The following KCNT2 variants were observed in gnomAD, a reference collection of about 807,000 sequenced individuals.
The protein encoded by KCNT2 is potassium channel subfamily T member 2.
In KCNT2, 67 loss-of-function variants were observed where a neutral mutation model predicts 153.8. That is an observed-to-expected ratio of 0.44 (90% confidence interval 0.36 to 0.53). The LOEUF (loss-of-function observed/expected upper bound fraction) is 0.53, where lower values mean the gene tolerates loss of function less well. Ranked by LOEUF, KCNT2 falls within the 20% of genes least tolerant of loss-of-function variation. The pLI is 0.00. For missense variants in KCNT2, 975 were observed against 1,354.8 expected, an observed-to-expected ratio of 0.72 and a Z score of 4.40; for synonymous variants, 500 against 458.8, an observed-to-expected ratio of 1.09 and a Z score of -1.15.
At chr1:196,451,434 G>GTTTTTTTTTTT (rs1557952237) in intron 8 of KCNT2, among the ~76,000 whole-genome samples, 1 of 103,818 alleles carries the variant, frequency 9.6e-6, no homozygotes, top group East Asian at 2.9e-4. Context: ...TTTTTTTTTG[G>GTTTTTTTTTTT]ATTTTAGTAG....
intron 1 of KCNT2, among the ~76,000 whole-genome samples, chr1:196,508,189 C>CAAAAAAAAAAAGAAA (rs1681305106): frequency 1.7e-5 from 1 of 59,984 alleles, no homozygotes; most frequent in Admixed American, 2.3e-4. Context: ...CCCTAAGTAG[C>CAAAAAAAAAAAGAAA]AAAAAAAAAA....
At chr1:196,526,979 G>A (rs890666264) in intron 1 of KCNT2, among the ~76,000 whole-genome samples, 11 of 152,258 alleles carry the variant, frequency 7.2e-5, no homozygotes, top group Admixed American at 5.2e-4. Flanking sequence ...CTCCTGCAGC[G>A]ACATTAGTTT....
At chr1:196,395,152 G>A (rs1267769091) in intron 13 of KCNT2, among the ~76,000 whole-genome samples, 1 of 150,946 alleles carries the variant, frequency 6.6e-6, no homozygotes, top group African/African-American at 2.4e-5. Flanking sequence ...ATATTACTCG[G>A]TTTGTTTTCC....
chr1:196,369,785 T>C (rs112044926), intron 14 of KCNT2, among the ~76,000 whole-genome samples: 16,030 of 151,870 alleles, frequency 0.11, 1,209 homozygotes, highest in African/African-American at 0.22. Context: ...GCAATAAACA[T>C]ATGTGTGCAT....
At chr1:196,370,852 A>G (rs1668465745) in intron 14 of KCNT2, among the ~76,000 whole-genome samples, 1 of 152,102 alleles carries the variant, frequency 6.6e-6, no homozygotes, top group Non-Finnish European at 1.5e-5. Flanking sequence ...ATGCAATGGA[A>G]TATTATTCAG....
intron 11 of KCNT2, among the ~76,000 whole-genome samples, chr1:196,425,251 C>T (rs1365424242): frequency 6.6e-6 from 1 of 151,920 alleles, no homozygotes; most frequent in Admixed American, 6.6e-5. Flanking sequence ...ATGTTTAAGA[C>T]TATGTCACCT....
At chr1:196,380,344 A>T (rs1669371466) in intron 13 of KCNT2, among the ~76,000 whole-genome samples, 1 of 152,228 alleles carries the variant, frequency 6.6e-6, no homozygotes, top group Non-Finnish European at 1.5e-5. Context: ...TGAGATGCAA[A>T]TGCATTGATA....
intron 12 of KCNT2, among the ~76,000 whole-genome samples, chr1:196,413,103 T>C (rs1672471490): frequency 6.6e-6 from 1 of 151,696 alleles, no homozygotes; most frequent in East Asian, 1.9e-4. Flanking sequence ...CCAGAAACCA[T>C]GTATACATGT....
intron 1 of KCNT2, among the ~76,000 whole-genome samples, chr1:196,499,543 G>A (rs2148758274): frequency 6.6e-6 from 1 of 152,252 alleles, no homozygotes; most frequent in East Asian, 1.9e-4. Context: ...CAAACCATGA[G>A]GACTCTGAAC....
chr1:196,480,210 T>A (rs10801542), intron 4 of KCNT2, among the ~76,000 whole-genome samples: 150,242 of 152,294 alleles, frequency 0.99, 74,135 homozygotes, highest in Middle Eastern at 1. Context: ...ACAAAAAGTG[T>A]CTCAGGTAAA....
At chr1:196,273,838 T>C (rs1303600161) in intron 25 of KCNT2, among the ~76,000 whole-genome samples, 1 of 151,706 alleles carries the variant, frequency 6.6e-6, no homozygotes, top group African/African-American at 2.4e-5. Flanking sequence ...TAATCCAGGG[T>C]AACACATTCC....
intron 14 of KCNT2, among the ~76,000 whole-genome samples, chr1:196,348,463 G>A (rs1434189268): frequency 6.6e-6 from 1 of 151,922 alleles, no homozygotes; most frequent in Non-Finnish European, 1.5e-5. Context: ...TTAACCTTGA[G>A]GTACACTCCA....
chr1:196,410,903 C>A (rs1224402548), intron 12 of KCNT2, among the ~76,000 whole-genome samples: 2 of 151,058 alleles, frequency 1.3e-5, no homozygotes, highest in Non-Finnish European at 3.0e-5. Context: ...TCTTTTCTTT[C>A]TTTTCCTTCC....
Position 196,411,412 on chromosome 1 carries a change from T to C in KCNT2, c.1185+11638A>G, listed in dbSNP as rs1372040402. 4.0e-5 allele frequency among the ~76,000 whole-genome samples: 5 copies of C among 125,406 alleles called. No homozygotes were observed. In the Admixed American group the frequency reaches 4.5e-4, roughly 11 times the overall value. The allele number at this position is 125,406 out of a possible 152,430, so 82.3% of individuals were successfully genotyped here. A position where few individuals can be genotyped will look rare whatever the true frequency, so the allele number is the denominator to read the frequency against. On this transcript the variant is annotated intron_variant, in intron 12 of 27. Transcript: ENST00000294725. ...CTATTCTGGATCTTTTGTGGTGCTA[T>C]AATAATTTCAGGATTGTTTTTAACT...
intron 14 of KCNT2, among the ~76,000 whole-genome samples, chr1:196,370,371 T>C (rs1294051927): frequency 1.3e-5 from 2 of 151,990 alleles, no homozygotes; most frequent in African/African-American, 4.8e-5. Flanking sequence ...TTCTATGAAG[T>C]CATCTAATTT....
At chr1:196,482,504 A>T (rs1393554370) in intron 3 of KCNT2, 125 bp from the exon 4 acceptor site, 1 of 503,218 alleles carries the variant, frequency 2.0e-6, no homozygotes, top group Non-Finnish European at 3.4e-6. Flanking sequence ...CAAAATCAAC[A>T]TTTGAAAAAA....
intron 1 of KCNT2, among the ~76,000 whole-genome samples, chr1:196,576,079 T>C (rs887948636): frequency 1.3e-5 from 2 of 148,732 alleles, no homozygotes; most frequent in African/African-American, 2.5e-5. Flanking sequence ...GTTTTATATA[T>C]ATATATATAT....
chr1:196,533,352 C>T (rs1655178633), intron 1 of KCNT2, among the ~76,000 whole-genome samples: 2 of 152,018 alleles, frequency 1.3e-5, no homozygotes, highest in Middle Eastern at 6.8e-3. Context: ...AAAGGAGATC[C>T]TTTTTCTTAT....
intron 25 of KCNT2, among the ~76,000 whole-genome samples, chr1:196,272,630 A>C (rs1658177748): frequency 6.6e-6 from 1 of 151,900 alleles, no homozygotes; most frequent in Non-Finnish European, 1.5e-5. Context: ...AACATAGATG[A>C]CTTGTTGAAA....
Sources: allele counts gnomAD v4.1 joint callset (sites outside exome capture counted in the v4.1 genomes callset), GRCh38; gene constraint gnomAD v4.1.1; transcripts MANE v1.5; gene names NCBI Gene and HGNC (gene_info 2026-07-23, HGNC 2026-07-21).